The following PDE2A variants were observed in gnomAD, a reference collection of about 807,000 sequenced individuals.
The protein encoded by PDE2A is cGMP-dependent 3',5'-cyclic phosphodiesterase.
PDE2A carries 53 observed loss-of-function variants against 133.6 expected under a neutral mutation model. The observed-to-expected ratio is 0.40, with a 90% confidence interval of 0.32 to 0.50. The LOEUF (loss-of-function observed/expected upper bound fraction) is 0.50, where lower values mean the gene tolerates loss of function less well. PDE2A is among the 20% of genes least tolerant of loss of function. The pLI is 0.73. For missense variants in PDE2A, 796 were observed against 1,232.4 expected (o/e 0.65, Z 5.30); for synonymous variants, 491 against 490.2 (o/e 1.00, Z -0.02).
At chr11:72,608,463 C>T (rs1857064211) in intron 3 of PDE2A, among the ~76,000 whole-genome samples, 199 bp downstream of exon 3, 1 of 152,224 alleles carries the variant, frequency 6.6e-6, no homozygotes, top group South Asian at 2.1e-4. Flanking sequence ...AAGTTCATTC[C>T]TTGATGCTTA....
intron 1 of PDE2A, among the ~76,000 whole-genome samples, chr11:72,655,684 C>A (rs1388646608): frequency 6.6e-6 from 1 of 152,180 alleles, no homozygotes; most frequent in African/African-American, 2.4e-5. Flanking sequence ...TGTATCTCTA[C>A]AGTGGAGTGA....
chr11:72,638,836 G>A (rs995260432), intron 2 of PDE2A, among the ~76,000 whole-genome samples: 2 of 152,196 alleles, frequency 1.3e-5, no homozygotes, highest in Non-Finnish European at 2.9e-5. Context: ...GAGAAGGCTG[G>A]AGGCCCAGGG....
At chr11:72,602,030 C>T (rs751348671) in intron 4 of PDE2A, among the ~76,000 whole-genome samples, 2 of 152,200 alleles carry the variant, frequency 1.3e-5, no homozygotes, top group Non-Finnish European at 2.9e-5. Flanking sequence ...GACCCCTTTT[C>T]TGAAACTTGG....
In PDE2A at chr11:72,589,834, T is replaced by C. The variant is rs149089478; in HGVS notation, c.832-42A>G. On this transcript the variant is annotated intron_variant, in intron 10 of 30. Transcript: ENST00000334456. ...AGGGGGCTGGTTAAAGGAAAGGCAA[T>C]GGATTTCCCCCTCGGAGACCCGAGT... 9.5e-4 allele frequency: 1,538 copies of C among 1,611,398 alleles called. 9 individuals carry two copies. The African/African-American group carries it at 0.018, about 19-fold the overall frequency.
At chr11:72,624,419 C>G (rs569694274) in intron 2 of PDE2A, among the ~76,000 whole-genome samples, 2 of 152,344 alleles carry the variant, frequency 1.3e-5, no homozygotes, top group South Asian at 4.1e-4. Context: ...GAGCATCACA[C>G]ATGTAATGTC....
At chr11:72,657,465 G>A (rs1053319647) in intron 1 of PDE2A, among the ~76,000 whole-genome samples, 3 of 151,920 alleles carry the variant, frequency 2.0e-5, no homozygotes, top group African/African-American at 4.8e-5. Flanking sequence ...CCCATGCCCC[G>A]GCCCCTGCCC....
intron 4 of PDE2A, among the ~76,000 whole-genome samples, chr11:72,601,591 G>A (rs1192780257): frequency 1.3e-5 from 2 of 152,262 alleles, no homozygotes; most frequent in Admixed American, 1.3e-4. Context: ...GGCGGTGGGT[G>A]CTTCAGTTGC....
At chr11:72,582,693 G>T in intron 20 of PDE2A, 127 bp from the exon 21 acceptor site, 1 of 900,642 alleles carries the variant, frequency 1.1e-6, no homozygotes, top group East Asian at 2.7e-5. Context: ...ACCACGCTGT[G>T]GACTGTAACT....
At chr11:72,617,244 C>T (rs981872496) in intron 2 of PDE2A, among the ~76,000 whole-genome samples, 3 of 152,156 alleles carry the variant, frequency 2.0e-5, no homozygotes, top group African/African-American at 4.8e-5. Flanking sequence ...CTGAAGGAGG[C>T]GGCCTGGCCT....
intron 1 of PDE2A, among the ~76,000 whole-genome samples, chr11:72,647,581 T>TAG (rs1859164818): frequency 6.6e-6 from 1 of 152,238 alleles, no homozygotes; most frequent in Admixed American, 6.5e-5. Context: ...TGACCTGGGC[T>TAG]AGAGCCCATG....
chr11:72,671,359 G>A (rs901702318), intron 1 of PDE2A, among the ~76,000 whole-genome samples: 3 of 152,198 alleles, frequency 2.0e-5, no homozygotes, highest in South Asian at 2.1e-4. Context: ...ATGCTGAGTC[G>A]GGAGATTTCA....
intron 2 of PDE2A, among the ~76,000 whole-genome samples, chr11:72,618,591 C>T (rs1449089082): frequency 6.6e-6 from 1 of 152,204 alleles, no homozygotes; most frequent in East Asian, 1.9e-4. Context: ...CCTTCTTTGC[C>T]CCCCTTCATG....
intron 1 of PDE2A, among the ~76,000 whole-genome samples, chr11:72,665,609 C>T (rs548223002): frequency 5.6e-4 from 86 of 152,320 alleles, no homozygotes; most frequent in Non-Finnish European, 1.1e-3. Flanking sequence ...ATGGCAGCTA[C>T]AGCTTGAAGG....
intron 1 of PDE2A, among the ~76,000 whole-genome samples, chr11:72,673,682 C>T (rs971569475): frequency 1.4e-4 from 22 of 151,990 alleles, no homozygotes; most frequent in African/African-American, 5.1e-4. Flanking sequence ...TTCATATTTT[C>T]TCCATCTTTC....
intron 2 of PDE2A, among the ~76,000 whole-genome samples, chr11:72,627,432 A>G (rs906202012): frequency 1.3e-5 from 2 of 152,230 alleles, no homozygotes; most frequent in African/African-American, 4.8e-5. Flanking sequence ...AGGAGGTGAC[A>G]TTTCATCTGG....
intron 2 of PDE2A, among the ~76,000 whole-genome samples, chr11:72,636,806 A>G (rs1565186013): frequency 6.6e-6 from 1 of 151,982 alleles, no homozygotes; most frequent in Non-Finnish European, 1.5e-5. Context: ...CCTCCCCTTC[A>G]GTCTCCACAC....
chr11:72,629,430 C>T (rs554085386), intron 2 of PDE2A, among the ~76,000 whole-genome samples: 1 of 152,350 alleles, frequency 6.6e-6, no homozygotes, highest in South Asian at 2.1e-4. Flanking sequence ...TCTTTCCTGG[C>T]GGGTGGCCGA....
At chr11:72,604,720 T>C (rs1856898666) in intron 4 of PDE2A, among the ~76,000 whole-genome samples, 2 of 152,274 alleles carry the variant, frequency 1.3e-5, no homozygotes, top group South Asian at 2.1e-4. Flanking sequence ...GATCTCCCTG[T>C]TCTCAGATGC....
At chr11:72,667,532 C>T (rs959114490) in intron 1 of PDE2A, among the ~76,000 whole-genome samples, 2 of 152,196 alleles carry the variant, frequency 1.3e-5, no homozygotes, top group African/African-American at 4.8e-5. Context: ...GGCTATCCTT[C>T]TCTCCATCCT....
Sources: allele counts gnomAD v4.1 joint callset (sites outside exome capture counted in the v4.1 genomes callset), GRCh38; gene constraint gnomAD v4.1.1; transcripts MANE v1.5; gene names NCBI Gene and HGNC (gene_info 2026-07-23, HGNC 2026-07-21).